Variants in RAD54L2 observed in about 807,000 individuals in gnomAD.
The protein encoded by RAD54L2 is RAD54 like 2.
In RAD54L2, 27 loss-of-function variants were observed where a neutral mutation model predicts 138.4. The observed-to-expected ratio is 0.20, with a 90% CI of 0.14 to 0.27. RAD54L2 has a LOEUF of 0.27. Ranked by LOEUF, RAD54L2 falls within the 10% of genes least tolerant of loss-of-function variation. The pLI is 1.00. For synonymous variants in RAD54L2, 644 were observed against 723.2 expected, an observed-to-expected ratio of 0.89 and a Z score of 1.76; for missense variants, 1,396 against 1,890.2, an observed-to-expected ratio of 0.74 and a Z score of 4.85.
chr3:51,614,653 T>C (rs763636396), intron 3 of RAD54L2, among the ~76,000 whole-genome samples: 24 of 152,104 alleles, frequency 1.6e-4, no homozygotes, highest in Non-Finnish European at 2.8e-4. Context: ...GCTGGAAATA[T>C]AGGCATGTGC....
chr3:51,663,550 G>T lies in RAD54L2; in HGVS notation c.*130G>T. The T allele has an allele frequency of 2.5e-6, 2 of 815,218 alleles. No homozygotes were observed. The highest frequency in any genetic ancestry group is 3.5e-6 in the Non-Finnish European group (2 of 573,060). 50.5% of individuals were successfully genotyped at this position (815,218 alleles called of 1,614,324 possible). ...AAAAGGAAGAGGACAAAGGAGGGTGGTTGGCCAAAGTGGCAGAGCTCTGTT... is the reference window on the plus strand; with the variant it reads ...AAAAGGAAGAGGACAAAGGAGGGTGTTTGGCCAAAGTGGCAGAGCTCTGTT... On this transcript the variant is annotated 3_prime_UTR_variant, in exon 23 of 23. Coordinates refer to ENST00000684192, the MANE Select transcript of RAD54L2 (RefSeq NM_015106.4).
At chr3:51,560,338 C>T (rs1218888021) in intron 2 of RAD54L2, among the ~76,000 whole-genome samples, 1 of 151,196 alleles carries the variant, frequency 6.6e-6, no homozygotes, top group East Asian at 1.9e-4. Flanking sequence ...TTTATTTTAC[C>T]TTCCAAATCA....
intron 1 of RAD54L2, among the ~76,000 whole-genome samples, chr3:51,540,376 A>G (rs1698519609): frequency 6.6e-6 from 1 of 152,214 alleles, no homozygotes; most frequent in South Asian, 2.1e-4. Flanking sequence ...CATTGTCTTC[A>G]CTAGAAGTAT....
At chr3:51,658,850 C>A (rs1701675754) in intron 21 of RAD54L2, among the ~76,000 whole-genome samples, 1 of 152,052 alleles carries the variant, frequency 6.6e-6, no homozygotes, top group East Asian at 1.9e-4. Flanking sequence ...TGGGTCAAAT[C>A]TAGCCTGCTA....
chr3:51,558,804 A>C (rs563088990), intron 2 of RAD54L2, among the ~76,000 whole-genome samples: 1 of 152,044 alleles, frequency 6.6e-6, no homozygotes, highest in South Asian at 2.1e-4. Flanking sequence ...AATAGCAAAG[A>C]ATGCCTTGTG....
chr3:51,594,797 C>T (rs986588307), intron 3 of RAD54L2, among the ~76,000 whole-genome samples: 1 of 149,502 alleles, frequency 6.7e-6, no homozygotes, highest in African/African-American at 2.5e-5. Context: ...GGAGAGATGA[C>T]CTATGGTTAG....
Position 51,635,443 on chromosome 3 carries a change from T to C in RAD54L2, c.1143-150T>C, listed in dbSNP as rs1700961501. The C allele has an allele frequency of 8.0e-6, 7 of 872,214 alleles. No individual in the cohort carries two copies. In the South Asian group the frequency reaches 1.4e-4, roughly 18 times the overall value. 54.0% of individuals were successfully genotyped at this position (872,214 alleles called of 1,614,324 possible). On this transcript the variant is annotated intron_variant, in intron 9 of 22. Transcript: ENST00000684192. ...TTGGGTGGTAGGCTACCCCTGTGCT[T>C]GCTGCCACATGAAATCTTTGGTAAT... is the stretch of plus-strand genomic sequence containing the variant.
At chr3:51,631,040 C>A in intron 7 of RAD54L2, 109 bp downstream of exon 7, 1 of 1,108,452 alleles carries the variant, frequency 9.0e-7, no homozygotes. Flanking sequence ...TGTTTGGTAC[C>A]AAGAGCAGCT....
In RAD54L2 at chr3:51,629,282, A is replaced by G. The variant is rs973033310; in HGVS notation, c.342-52A>G. The stretch of plus-strand genomic sequence containing the variant: ...ATTTCTCTCTTTAGCTTGCCATTAC[A>G]TTGCCCAAATCTTAATTGAACCCAA... On this transcript the variant is annotated intron_variant, in intron 4 of 22. Transcript: ENST00000684192. 4.5e-6 allele frequency: 7 copies of G among 1,538,774 alleles called. No individual in the cohort carries two copies. The African/African-American group carries it at 5.5e-5, about 12-fold the overall frequency.
intron 3 of RAD54L2, among the ~76,000 whole-genome samples, chr3:51,600,023 G>A (rs1434853373): frequency 6.6e-6 from 1 of 151,990 alleles, no homozygotes; most frequent in Non-Finnish European, 1.5e-5. Flanking sequence ...CCACCTCCTG[G>A]GTTCCAGTGA....
At chr3:51,546,792 G>T (rs1031284100) in intron 2 of RAD54L2, among the ~76,000 whole-genome samples, 1 of 152,164 alleles carries the variant, frequency 6.6e-6, no homozygotes, top group African/African-American at 2.4e-5. Flanking sequence ...ACTTTGGGAG[G>T]CTGAGGCAGG....
chr3:51,646,302 G>A lies in RAD54L2; in HGVS notation c.2847G>A (p.Glu949=). ...GTCCCCAGGAGCCTTTCGAGCATGA[G>A]TCATTGCTCTTGAACCGAAAGGATC... is the stretch of plus-strand genomic sequence containing the variant. ...HLITKEPFEH[E]SLLLNRKDHK... is the part of the protein sequence containing the mutation. The change falls in exon 19 of 23, where the codon GAG becomes GAA. Residue 949 remains glutamate, a synonymous_variant. Transcript: ENST00000684192. 1 of 1,592,592 alleles carries A rather than the reference G, an allele frequency of 6.3e-7. No individual in the cohort carries two copies. Among genetic ancestry groups the A allele is most frequent in the Non-Finnish European group, 8.5e-7 (1 of 1,169,858 alleles).
chr3:51,610,219 T>C (rs1415713121), intron 3 of RAD54L2, among the ~76,000 whole-genome samples: 1 of 152,164 alleles, frequency 6.6e-6, no homozygotes, highest in East Asian at 1.9e-4. Flanking sequence ...ACTTTACCTG[T>C]CTGAGCCCTT....
rs1297513193 is a variant in RAD54L2, at chr3:51,657,681, A to G, written c.3316+12A>G. ...CCGTGGGACAAAAGGTAAGAGCCTG[A>G]CCAAGGACCTGTTCCCTGCCTTTGG... On this transcript the variant is annotated intron_variant, in intron 21 of 22. Coordinates refer to ENST00000684192, the MANE Select transcript of RAD54L2 (RefSeq NM_015106.4). 4.6e-6 allele frequency: 7 copies of G among 1,528,382 alleles called. No individual in the cohort carries two copies. Among genetic ancestry groups the G allele is most frequent in the Non-Finnish European group, 6.2e-6 (7 of 1,120,864 alleles). 94.7% of individuals were successfully genotyped at this position (1,528,382 alleles called of 1,614,324 possible). A position where few individuals can be genotyped will look rare whatever the true frequency, so the allele number is the denominator to read the frequency against.
At chr3:51,580,530 C>T (rs1699583668) in intron 2 of RAD54L2, among the ~76,000 whole-genome samples, 1 of 152,164 alleles carries the variant, frequency 6.6e-6, no homozygotes, top group Non-Finnish European at 1.5e-5. Flanking sequence ...CGGGGTCTTT[C>T]TAGGTCTTTC....
intron 2 of RAD54L2, among the ~76,000 whole-genome samples, chr3:51,577,370 G>C (rs1369679421): frequency 6.6e-6 from 1 of 152,150 alleles, no homozygotes; most frequent in Admixed American, 6.5e-5. Context: ...TCTGCTTGGT[G>C]CAGAGCTGAG....
chr3:51,600,155 G>A (rs922711211), intron 3 of RAD54L2, among the ~76,000 whole-genome samples: 2 of 151,670 alleles, frequency 1.3e-5, no homozygotes, highest in African/African-American at 4.8e-5. Flanking sequence ...TGCTGGCCAG[G>A]CTGGTCTTGA....
intron 3 of RAD54L2, among the ~76,000 whole-genome samples, chr3:51,602,277 T>C (rs918048509): frequency 4.6e-5 from 7 of 152,208 alleles, no homozygotes; most frequent in Non-Finnish European, 1.0e-4. Context: ...TCCGTCAGAC[T>C]ACTGACTATC....
Position 51,538,880 on chromosome 3 carries a change from C to A in RAD54L2, c.-152C>A, listed in dbSNP as rs1202372705. ...CTGAACGTGAGGTCCCTCGGCCCTG[C>A]GCGGTCCGGCGCGGCCCGGAGCCGC... On this transcript the variant is annotated 5_prime_UTR_variant, in exon 1 of 23. Transcript: ENST00000684192. Among the ~76,000 whole-genome samples, 3 of 152,042 alleles carry A rather than the reference C, an allele frequency of 2.0e-5. No homozygotes were observed. Among genetic ancestry groups the A allele is most frequent in the African/African-American group, 4.8e-5 (2 of 41,424 alleles).
Sources: allele counts gnomAD v4.1 joint callset (sites outside exome capture counted in the v4.1 genomes callset), GRCh38; gene constraint gnomAD v4.1.1; transcripts MANE v1.5; gene names NCBI Gene and HGNC (gene_info 2026-07-23, HGNC 2026-07-21).